The following EPHA6 variants were observed in gnomAD, a reference collection of about 807,000 sequenced individuals.
EPHA6 encodes the protein EPH receptor A6, also known as ephrin type-A receptor 6.
Under a neutral mutation model 112.0 loss-of-function variants are expected in EPHA6, and 50 were observed. The ratio of observed to expected loss-of-function variants is 0.45; its 90% confidence interval spans 0.36 to 0.56. The LOEUF is 0.56. Among genes scored for constraint, EPHA6 ranks in the 20% least tolerant of loss-of-function variants. The pLI, the probability that EPHA6 is intolerant of heterozygous loss-of-function variation, is 0.00. For synonymous variants in EPHA6, 529 were observed against 490.7 expected (o/e 1.08, Z -1.03); for missense variants, 1,280 against 1,417.4 (o/e 0.90, Z 1.56).
chr3:97,133,378 CT>C (rs2075686623), intron 3 of EPHA6, among the ~76,000 whole-genome samples: 1 of 151,986 alleles, frequency 6.6e-6, no homozygotes, highest in African/African-American at 2.4e-5. Context: ...ATGTAAAAGA[CT>C]TATAGCCAGA....
intron 10 of EPHA6, among the ~76,000 whole-genome samples, chr3:97,504,964 T>C (rs1427960627): frequency 6.6e-6 from 1 of 152,194 alleles, no homozygotes; most frequent in East Asian, 1.9e-4. Flanking sequence ...AACCTGCTTT[T>C]TAAAAATATT....
At chr3:96,936,404 C>G (rs1167603827) in intron 2 of EPHA6, among the ~76,000 whole-genome samples, 2 of 151,576 alleles carry the variant, frequency 1.3e-5, no homozygotes, top group African/African-American at 2.4e-5. Flanking sequence ...AAAAAAAAAT[C>G]AAGCTGTTAT....
At chr3:97,453,392 G>A (rs960127787) in intron 7 of EPHA6, among the ~76,000 whole-genome samples, 4 of 151,530 alleles carry the variant, frequency 2.6e-5, no homozygotes, top group Admixed American at 6.6e-5. Flanking sequence ...CCTCTTTTCT[G>A]AAAAGATTAA....
rs374924175 is a variant in EPHA6 at position 97,305,658 on chromosome 3, G to A, written c.1606+61371G>A. 3.3e-5 allele frequency among the ~76,000 whole-genome samples: 5 copies of A among 152,020 alleles called. No homozygotes were observed. In the East Asian group the frequency reaches 5.8e-4, roughly 18 times the overall value. The stretch of plus-strand genomic sequence containing the variant: ...TACATGTTCTCCCTTATAAGTGAGA[G>A]CTGAACAATGAGAACACATGGACAC... On this transcript the variant is annotated intron_variant, in intron 5 of 17. Coordinates refer to ENST00000389672, the MANE Select transcript of EPHA6 (RefSeq NM_001080448.3).
chr3:97,250,124 A>G (rs1170757744), intron 5 of EPHA6, among the ~76,000 whole-genome samples: 2 of 152,234 alleles, frequency 1.3e-5, no homozygotes. Flanking sequence ...AATGGATATA[A>G]AAAGGTCAAA....
chr3:97,282,489 T>C (rs2080320009), intron 5 of EPHA6, among the ~76,000 whole-genome samples: 1 of 152,210 alleles, frequency 6.6e-6, no homozygotes, highest in Non-Finnish European at 1.5e-5. Flanking sequence ...TTACTGGGTA[T>C]ATATCCAAAG....
chr3:97,039,691 T>G (rs1290720034), intron 3 of EPHA6, among the ~76,000 whole-genome samples: 7 of 152,178 alleles, frequency 4.6e-5, no homozygotes, highest in Non-Finnish European at 1.0e-4. Flanking sequence ...TCAATGAATG[T>G]TTATGTAAAA....
chr3:97,249,647 A>C (rs986658013), intron 5 of EPHA6, among the ~76,000 whole-genome samples: 3 of 152,134 alleles, frequency 2.0e-5, no homozygotes, highest in African/African-American at 4.8e-5. Context: ...ACTGGACAAT[A>C]ATCATATTTT....
At position 97,176,513 on chromosome 3, in the gene EPHA6, C is replaced by T. The variant is rs376761205; in HGVS notation, c.1115-49751C>T. ...GACTGGTAGGGTTCAGCAGTGGACT[C>T]GTTGGGTCCCAGGCTTTTCTTTACT... On this transcript the variant is annotated intron_variant, in intron 3 of 17. Coordinates refer to ENST00000389672, the MANE Select transcript of EPHA6 (RefSeq NM_001080448.3). Among the ~76,000 whole-genome samples the T allele has an allele frequency of 4.6e-4, 70 of 151,886 alleles. No individual in the cohort carries two copies. The East Asian group carries it at 5.2e-3, about 11-fold the overall frequency.
At chr3:96,917,055 C>T (rs538373030) in intron 2 of EPHA6, among the ~76,000 whole-genome samples, 11 of 152,180 alleles carry the variant, frequency 7.2e-5, no homozygotes, top group South Asian at 4.1e-4. Context: ...TTTCCTACGT[C>T]GTATCTTCTA....
intron 2 of EPHA6, among the ~76,000 whole-genome samples, chr3:96,889,814 A>G (rs2037848203): frequency 6.6e-6 from 1 of 152,236 alleles, no homozygotes; most frequent in Admixed American, 6.5e-5. Context: ...CCAGTACAAT[A>G]TTGGTGCAGG....
intron 2 of EPHA6, among the ~76,000 whole-genome samples, chr3:96,967,948 A>T (rs867672188): frequency 6.6e-6 from 1 of 151,830 alleles, no homozygotes; most frequent in Admixed American, 6.6e-5. Flanking sequence ...TTGTTTGACA[A>T]TTGACATGTA....
At chr3:97,215,206 A>G (rs2077998033) in intron 3 of EPHA6, among the ~76,000 whole-genome samples, 1 of 152,224 alleles carries the variant, frequency 6.6e-6, no homozygotes, top group Admixed American at 6.5e-5. Context: ...CAGTTCTCTG[A>G]TAATAAGGAT....
chr3:97,569,511 A>T (rs1391174006), intron 11 of EPHA6, among the ~76,000 whole-genome samples: 1 of 152,144 alleles, frequency 6.6e-6, no homozygotes, highest in Non-Finnish European at 1.5e-5. Context: ...ACTTTGGGAA[A>T]TTATTACTTC....
chr3:97,589,431 A>G (rs1025699379), intron 11 of EPHA6, among the ~76,000 whole-genome samples: 6 of 152,136 alleles, frequency 3.9e-5, no homozygotes, highest in Admixed American at 6.5e-5. Context: ...GTCTCGTTAC[A>G]TGACCTATTA....
At chr3:97,691,240 T>A (rs890960904) in intron 14 of EPHA6, among the ~76,000 whole-genome samples, 1 of 152,234 alleles carries the variant, frequency 6.6e-6, no homozygotes, top group Non-Finnish European at 1.5e-5. Flanking sequence ...TAAAATCAAT[T>A]GACCATAAAT....
At chr3:97,685,254 T>A (rs560881296) in intron 14 of EPHA6, among the ~76,000 whole-genome samples, 1 of 152,302 alleles carries the variant, frequency 6.6e-6, no homozygotes, top group Non-Finnish European at 1.5e-5. Context: ...GAGCAAACTG[T>A]ATGCATCCAA....
At chr3:97,535,846 T>TC (rs983995939) in intron 11 of EPHA6, among the ~76,000 whole-genome samples, 2 of 150,674 alleles carry the variant, frequency 1.3e-5, no homozygotes, top group African/African-American at 4.9e-5. Flanking sequence ...TAATATGCAT[T>TC]TTTTTTTATC....
rs1470186183 is a variant in EPHA6 at position 97,756,386 on chromosome 3, A to G, written c.*7685A>G. The stretch of plus-strand genomic sequence containing the variant: ...TTAACTTGTTTAAATATCCATTGGT[A>G]TATTATCAAGAGCTATTACTGCAAT... On this transcript the variant is annotated 3_prime_UTR_variant, in exon 18 of 18. Transcript: ENST00000389672. Among the ~76,000 whole-genome samples, 2 of 151,984 alleles carry G rather than the reference A, an allele frequency of 1.3e-5. No homozygotes were observed. The highest frequency in any genetic ancestry group is 4.8e-5 in the African/African-American group (2 of 41,446).
Sources: gnomAD v4.1 joint callset for allele counts (sites outside exome capture counted in the v4.1 genomes callset) on GRCh38, gnomAD v4.1.1 for gene constraint, MANE v1.5 for transcripts, NCBI Gene and HGNC (gene_info 2026-07-23, HGNC 2026-07-21) for gene names.